ADGRL1: variants seen among roughly 807,000 people sequenced by gnomAD.
ADGRL1 encodes the protein adhesion G protein-coupled receptor L1.
A neutral mutation model predicts 148.9 loss-of-function variants in ADGRL1; 31 were observed. That is an observed-to-expected ratio of 0.21 (90% CI 0.16 to 0.28). The LOEUF is 0.28. Among genes scored for constraint, ADGRL1 ranks in the 10% least tolerant of loss-of-function variants. The pLI, the probability that ADGRL1 is intolerant of heterozygous loss-of-function variation, is 1.00. For synonymous variants in ADGRL1, 937 were observed against 900.3 expected (o/e 1.04, Z -0.73); for missense variants, 1,521 against 2,058.8 (o/e 0.74, Z 5.05).
intron 2 of ADGRL1, among the ~76,000 whole-genome samples, chr19:14,182,711 G>A (rs772992614): frequency 6.6e-6 from 1 of 152,214 alleles, no homozygotes; most frequent in Non-Finnish European, 1.5e-5. Context: ...CAGCCCTCCC[G>A]GCCCAGCTGG....
In ADGRL1 at chr19:14,151,322, C is replaced by T. The variant is rs532929223; in HGVS notation, c.3961G>A (p.Gly1321Arg). The T allele has an allele frequency of 1.1e-5, 17 of 1,588,832 alleles. No individual in the cohort carries two copies. The highest frequency in any genetic ancestry group is 9.3e-5 in the East Asian group (4 of 42,950). Residue 1321 changes from glycine to arginine, a missense_variant, in exon 23 of 23, where the codon GGG becomes AGG. Around this residue, in one of 8 missense-constraint regions of ADGRL1, gnomAD observed 390 missense variants for 375.0 expected, o/e 1.04. Coordinates refer to ENST00000361434, the MANE Select transcript of ADGRL1 (RefSeq NM_014921.5). ...TCAATCTCGGCCCGGTCAGCACCCC[C>T]GGGCCCGCCCGCCTCTTCCTCGCCC... Reference protein sequence around the residue: ...GGGEEEAGGPGGADRAEIELL... With the variant: ...GGGEEEAGGPRGADRAEIELL...
In ADGRL1 at chr19:14,160,739, G is replaced by T. The variant is rs751510170; in HGVS notation, c.1511-43C>A. The T allele has an allele frequency of 1.1e-5, 13 of 1,140,044 alleles. No homozygotes were observed. The highest frequency in any genetic ancestry group is 1.6e-5 in the Non-Finnish European group (12 of 754,800). The allele number at this position is 1,140,044 out of a possible 1,614,324, so 70.6% of individuals were successfully genotyped here. On this transcript the variant is annotated intron_variant, in intron 6 of 22. Transcript: ENST00000361434. The surrounding 1 kb of genome is among the most constrained non-coding windows in gnomAD (Gnocchi z 5.9). ...CAGGAACAGACAAGGGAGCCAAAGG[G>T]AAGAAGAGAAGGATGGGACAGAGAG... is the stretch of plus-strand genomic sequence containing the variant.
chr19:14,153,283 T>C (rs10417982), intron 18 of ADGRL1, among the ~76,000 whole-genome samples: 3 of 152,184 alleles, frequency 2.0e-5, no homozygotes, highest in African/African-American at 4.8e-5. Context: ...AGAGCTTATA[T>C]TTCAGTAGAC....
intron 3 of ADGRL1, among the ~76,000 whole-genome samples, chr19:14,176,644 C>T (rs984369520): frequency 1.3e-5 from 2 of 151,952 alleles, no homozygotes; most frequent in Non-Finnish European, 2.9e-5. Context: ...TAAGACCAGC[C>T]TGGGCAACAT....
chr19:14,170,837 GT>G, intron 3 of ADGRL1, 46 bp from the exon 4 acceptor site: 2 of 897,060 alleles, frequency 2.2e-6, no homozygotes, highest in Non-Finnish European at 3.6e-6. Flanking sequence ...CATAGACGGG[GT>G]GGCGGGGGTG....
chr19:14,156,996 G>A lies in ADGRL1; in HGVS notation c.2895C>T (p.Gly965=). Residue 965 remains glycine, a synonymous_variant, in exon 15 of 23, where the codon GGC becomes GGT. Transcript: ENST00000361434. Reference sequence around the variant, plus strand: ...CCACCACCAGGGCCGGGAAGCAGTAGCCACCCAGGTAGTAGTACTTGGTGC... The same window carrying A: ...CCACCACCAGGGCCGGGAAGCAGTAACCACCCAGGTAGTAGTACTTGGTGC... The part of the protein sequence containing the change: ...YSRTKYYYLG[G]YCFPALVVGI... 3 of 1,613,912 alleles carry A rather than the reference G, an allele frequency of 1.9e-6. No individual in the cohort carries two copies. In the South Asian group the frequency reaches 3.3e-5, roughly 18 times the overall value.
chr19:14,179,451 A>G (rs982697455), intron 2 of ADGRL1, among the ~76,000 whole-genome samples: 7 of 151,030 alleles, frequency 4.6e-5, no homozygotes, highest in African/African-American at 9.8e-5. Flanking sequence ...CTGAGATTGC[A>G]CCACTGCACT....
intron 1 of ADGRL1, among the ~76,000 whole-genome samples, chr19:14,197,189 T>C (rs1396129783): frequency 2.6e-4 from 39 of 151,982 alleles, no homozygotes; most frequent in Admixed American, 2.6e-3. Flanking sequence ...GCAGGGTCAT[T>C]CAAGCCCAAA....
chr19:14,179,088 G>A (rs1971015354), intron 2 of ADGRL1, among the ~76,000 whole-genome samples: 1 of 152,104 alleles, frequency 6.6e-6, no homozygotes, highest in Non-Finnish European at 1.5e-5. Flanking sequence ...AGAGGCTGAG[G>A]CAGGAGAATC....
At position 14,151,044 on chromosome 19, in the gene ADGRL1, G is replaced by A. The variant is rs765965693; in HGVS notation, c.4239C>T (p.Gly1413=). The A allele has an allele frequency of 9.3e-6, 14 of 1,499,520 alleles. No homozygotes were observed. The highest frequency in any genetic ancestry group is 7.0e-5 in the African/African-American group (5 of 71,400). 92.9% of individuals were successfully genotyped at this position (1,499,520 alleles called of 1,614,324 possible). The change falls in exon 23 of 23, where the codon GGC becomes GGT. Residue 1413 remains glycine (G), a synonymous_variant. Transcript: ENST00000361434. ...ALPPPPPAPP[G]PPEIYYTSRP... The stretch of plus-strand genomic sequence containing the variant: ...GCGAGGTGTAGTAGATTTCGGGGGG[G>A]CCGGGGGGTGCGGGAGGGGGTGGGG...
rs35853686 is a variant in ADGRL1 at position 14,149,940 on chromosome 19, CTTTT to C, written c.*929_*932del. ...TTCTTTTCTTTTTTTTTTTTTTTGT[CTTTT>C]TTTTTTCTTTTCCATTTCGTTGAAA... is the stretch of plus-strand genomic sequence containing the variant. On this transcript the variant is annotated 3_prime_UTR_variant, in exon 23 of 23. Coordinates refer to ENST00000361434, the MANE Select transcript of ADGRL1 (RefSeq NM_014921.5). The C allele has an allele frequency of 1.8e-5, 2 of 109,430 alleles. No homozygotes were observed. Among genetic ancestry groups the C allele is most frequent in the Non-Finnish European group, 3.9e-5 (2 of 51,942 alleles). 6.8% of individuals were successfully genotyped at this position (109,430 alleles called of 1,614,324 possible).
chr19:14,159,318 A>C lies in ADGRL1; in HGVS notation c.2023+83T>G. On this transcript the variant is annotated intron_variant, in intron 10 of 22. Transcript: ENST00000361434. The surrounding 1 kb of genome is among the most constrained non-coding windows in gnomAD (Gnocchi z 6.0). ...CTCTGGCAAGATGCCCAAGGGTCGG[A>C]TAGCCCCCCTGTGGCCTCCAGGCCA... 6.4e-7 allele frequency: 1 copy of C among 1,573,510 alleles called. No individual in the cohort carries two copies.
At chr19:14,154,357 G>A (rs1169230491) in intron 18 of ADGRL1, among the ~76,000 whole-genome samples, 1 of 152,164 alleles carries the variant, frequency 6.6e-6, no homozygotes, top group Non-Finnish European at 1.5e-5. Context: ...CTGCTGCCAG[G>A]ACTGACTCTA....
chr19:14,195,847 A>G (rs1335236596), intron 1 of ADGRL1, among the ~76,000 whole-genome samples: 1 of 152,152 alleles, frequency 6.6e-6, no homozygotes. Context: ...GCCCAGGTAC[A>G]TGATCCTCGG....
Position 14,167,819 on chromosome 19 carries a change from C to T in ADGRL1, c.394+2863G>A, listed in dbSNP as rs552750619. Among the ~76,000 whole-genome samples, 10 of 152,158 alleles carry T rather than the reference C, an allele frequency of 6.6e-5. No individual in the cohort carries two copies. In the South Asian group the frequency reaches 1.2e-3, roughly 19 times the overall value. On this transcript the variant is annotated intron_variant, in intron 4 of 22. Transcript: ENST00000361434. ...GGGACAGCAAGTGGGGGCACAGACA[C>T]GCTCCCAGGCTCCCCAGGGGCAAGT...
chr19:14,184,886 G>A (rs1468534502), intron 1 of ADGRL1, among the ~76,000 whole-genome samples: 8 of 152,074 alleles, frequency 5.3e-5, no homozygotes, highest in East Asian at 1.9e-4. Flanking sequence ...TGATCCGCCC[G>A]TCTCGGCCTC....
At chr19:14,196,607 A>C (rs565899432) in intron 1 of ADGRL1, among the ~76,000 whole-genome samples, 1 of 152,148 alleles carries the variant, frequency 6.6e-6, no homozygotes, top group Non-Finnish European at 1.5e-5. Flanking sequence ...GCAACAGAGC[A>C]AGACCCCATC....
Position 14,155,266 on chromosome 19 carries a change from CCCT to C in ADGRL1, c.3294+90_3294+92del, listed in dbSNP as rs1599391156. The C allele has an allele frequency of 2.8e-6, 4 of 1,430,706 alleles. No individual in the cohort carries two copies. The East Asian group carries it at 9.2e-5, about 33-fold the overall frequency. The allele number at this position is 1,430,706 out of a possible 1,614,324, so 88.6% of individuals were successfully genotyped here. On this transcript the variant is annotated intron_variant, in intron 18 of 22. Transcript: ENST00000361434. This position sits in a 1 kb window ranked among gnomAD's most constrained non-coding sequence, Gnocchi z 5.0. ...GCACTCACTGGGGGCTTGAGGGAGCCCCTGAGTCCCCTCCACCCTCGCCGCCTT... is the reference window on the plus strand; with the variant it reads ...GCACTCACTGGGGGCTTGAGGGAGCCGAGTCCCCTCCACCCTCGCCGCCTT...
intron 1 of ADGRL1, among the ~76,000 whole-genome samples, chr19:14,198,231 C>T (rs1376702500): frequency 6.6e-6 from 1 of 152,032 alleles, no homozygotes; most frequent in African/African-American, 2.4e-5. Flanking sequence ...CTTTGGCTTT[C>T]TAGAGAGGTG....
Sources: gnomAD v4.1 joint callset for allele counts (sites outside exome capture counted in the v4.1 genomes callset) on GRCh38, gnomAD v4.1.1 for gene constraint, gnomAD v4.1.1 regional missense constraint, Gnocchi (gnomAD v3.1) non-coding constraint, MANE v1.5 for transcripts, NCBI Gene and HGNC (gene_info 2026-07-23, HGNC 2026-07-21) for gene names.